The following IL1RAPL1 variants were observed in gnomAD, a reference collection of about 807,000 sequenced individuals.
IL1RAPL1 encodes interleukin-1 receptor accessory protein-like 1.
IL1RAPL1 carries 3 observed loss-of-function variants against 48.4 expected under a neutral mutation model. The observed-to-expected ratio is 0.06, with a 90% CI of 0.03 to 0.16. The LOEUF is 0.16. Among genes scored for constraint, IL1RAPL1 ranks in the 10% least tolerant of loss-of-function variants. The pLI, the probability that IL1RAPL1 is intolerant of heterozygous loss-of-function variation, is 1.00. For missense variants in IL1RAPL1, 349 were observed against 530.6 expected (o/e 0.66, Z 3.36); for synonymous variants, 185 against 187.7 (o/e 0.99, Z 0.12).
chrX:29,867,499 T>C (rs1469111103), intron 6 of IL1RAPL1, among the ~76,000 whole-genome samples: 2 of 112,042 alleles, frequency 1.8e-5, no homozygotes, highest in Non-Finnish European at 3.8e-5. Flanking sequence ...AGGCACCATC[T>C]TGGCAGAGAC....
chrX:29,588,248 G>A (rs979078024), intron 5 of IL1RAPL1, among the ~76,000 whole-genome samples: 4 of 112,103 alleles, frequency 3.6e-5, no homozygotes, highest in African/African-American at 1.3e-4. Context: ...ACTTTGCACT[G>A]GAGATTCAAT....
chrX:28,952,880 G>A (rs910275338), intron 2 of IL1RAPL1, among the ~76,000 whole-genome samples: 1 of 111,180 alleles, frequency 9.0e-6, no homozygotes, highest in Admixed American at 9.7e-5. Context: ...TATATGCACA[G>A]ACATATTAGC....
At position 29,593,150 on chromosome X, in the gene IL1RAPL1, T is replaced by C. The variant is rs189398265; in HGVS notation, c.704-75280T>C. ...AGGTTTTGCTCAGATGGGCCCTGCTTGGTTGTCGTATTAGCCTGAGTGTCT... is the reference window on the plus strand; with the variant it reads ...AGGTTTTGCTCAGATGGGCCCTGCTCGGTTGTCGTATTAGCCTGAGTGTCT... On this transcript the variant is annotated intron_variant, in intron 5 of 10. Coordinates refer to ENST00000378993, the MANE Select transcript of IL1RAPL1 (RefSeq NM_014271.4). 5.3e-3 allele frequency among the ~76,000 whole-genome samples: 588 copies of C among 111,551 alleles called. 1 individual carries two copies. The highest frequency in any genetic ancestry group is 7.1e-3 in the Non-Finnish European group (376 of 53,097).
At chrX:28,994,628 G>C (rs1488107825) in intron 2 of IL1RAPL1, among the ~76,000 whole-genome samples, 1 of 111,429 alleles carries the variant, frequency 9.0e-6, no homozygotes, top group Non-Finnish European at 1.9e-5. Context: ...TTTTGTGTTT[G>C]TTGTTGTTGC....
intron 1 of IL1RAPL1, among the ~76,000 whole-genome samples, chrX:28,606,931 A>G (rs1163840479): frequency 9.0e-6 from 1 of 111,646 alleles, no homozygotes; most frequent in African/African-American, 3.2e-5. Context: ...TCTTATGTGC[A>G]TCACAAATGT....
At chrX:28,873,512 T>G (rs867597681) in intron 2 of IL1RAPL1, among the ~76,000 whole-genome samples, 3 of 93,879 alleles carry the variant, frequency 3.2e-5, no homozygotes, top group South Asian at 1.0e-3. Flanking sequence ...CAATTATTGT[T>G]TTCTTTCTTT....
chrX:28,915,943 G>GTATA (rs61698059), intron 2 of IL1RAPL1, among the ~76,000 whole-genome samples: 297 of 102,282 alleles, frequency 2.9e-3, no homozygotes, highest in African/African-American at 8.6e-3. Context: ...ATATGTATGT[G>GTATA]TATATATATA....
chrX:29,385,525 C>T (rs1933765083), intron 3 of IL1RAPL1, among the ~76,000 whole-genome samples: 1 of 112,447 alleles, frequency 8.9e-6, no homozygotes, highest in Admixed American at 9.3e-5. Context: ...CCCACCAGCT[C>T]CTGGTAACCT....
At chrX:28,809,026 G>A (rs1174271766) in intron 2 of IL1RAPL1, among the ~76,000 whole-genome samples, 1 of 110,218 alleles carries the variant, frequency 9.1e-6, no homozygotes, top group Non-Finnish European at 1.9e-5. Context: ...TCTATTTTTG[G>A]TCGGGTTGTC....
chrX:29,496,717 T>C (rs1272974083), intron 5 of IL1RAPL1, among the ~76,000 whole-genome samples: 1 of 111,644 alleles, frequency 9.0e-6, no homozygotes, highest in Non-Finnish European at 1.9e-5. Flanking sequence ...AATTCCTTTA[T>C]TATTTTAGTG....
chrX:29,847,562 T>C lies in IL1RAPL1; in HGVS notation c.779-69902T>C, dbSNP rs951487082. On this transcript the variant is annotated intron_variant, in intron 6 of 10. Transcript: ENST00000378993. ...TCACCAATGTTATCAAAATCATATA[T>C]CCAGACAAGGGATCTAAGTAATTTA... is the stretch of plus-strand genomic sequence containing the variant. Among the ~76,000 whole-genome samples the C allele has an allele frequency of 1.0e-3, 115 of 112,132 alleles. 1 individual carries two copies. The highest frequency in any genetic ancestry group is 3.6e-3 in the African/African-American group (111 of 30,863).
At chrX:29,758,830 C>T (rs1423088983) in intron 6 of IL1RAPL1, among the ~76,000 whole-genome samples, 3 of 111,078 alleles carry the variant, frequency 2.7e-5, no homozygotes, top group African/African-American at 6.6e-5. Context: ...AAATACCCAC[C>T]GTGTTTCACA....
chrX:29,800,371 T>A (rs1224265976), intron 6 of IL1RAPL1, among the ~76,000 whole-genome samples: 1 of 110,642 alleles, frequency 9.0e-6, no homozygotes, highest in Non-Finnish European at 1.9e-5. Flanking sequence ...AACCTGAACA[T>A]AGACTGACAA....
chrX:29,554,950 G>A (rs935223069), intron 5 of IL1RAPL1, among the ~76,000 whole-genome samples: 2 of 111,909 alleles, frequency 1.8e-5, no homozygotes, highest in African/African-American at 6.5e-5. Context: ...TAGTTTTTAA[G>A]GCTTCCTAAA....
At chrX:29,200,468 A>G (rs1391501580) in intron 2 of IL1RAPL1, among the ~76,000 whole-genome samples, 2 of 112,202 alleles carry the variant, frequency 1.8e-5, no homozygotes. Flanking sequence ...CTTTGAATAT[A>G]TGACTATTGC....
rs774114614 is a variant in IL1RAPL1 at position 29,406,743 on chromosome X, TG to T, written c.703+7437del. 3.9e-3 allele frequency among the ~76,000 whole-genome samples: 428 copies of T among 110,001 alleles called. 5 individuals are homozygous for T. Among genetic ancestry groups the T allele is most frequent in the Middle Eastern group, 9.2e-3 (2 of 217 alleles). ...TATTGTTAAGTCAAATGCCTGCCTG[TG>T]GTTGAACTTTTAGGTATGAATACAG... On this transcript the variant is annotated intron_variant, in intron 5 of 10. Coordinates refer to ENST00000378993, the MANE Select transcript of IL1RAPL1 (RefSeq NM_014271.4).
intron 1 of IL1RAPL1, among the ~76,000 whole-genome samples, chrX:28,650,784 A>G (rs1169172527): frequency 1.8e-5 from 2 of 112,151 alleles, no homozygotes; most frequent in Admixed American, 1.9e-4. Flanking sequence ...ATCTGCTACT[A>G]AAAGTAGTTT....
chrX:29,550,067 G>T (rs1019414880), intron 5 of IL1RAPL1, among the ~76,000 whole-genome samples: 1 of 111,943 alleles, frequency 8.9e-6, no homozygotes, highest in Non-Finnish European at 1.9e-5. Context: ...AAATTCTCAT[G>T]AACAACTAAA....
intron 1 of IL1RAPL1, among the ~76,000 whole-genome samples, chrX:28,770,101 A>T (rs1050325675): frequency 8.9e-6 from 1 of 111,972 alleles, no homozygotes; most frequent in Non-Finnish European, 1.9e-5. Flanking sequence ...GTTTTCACCA[A>T]ACGGTGAATA....
Sources: gnomAD v4.1 joint callset for allele counts (sites outside exome capture counted in the v4.1 genomes callset) on GRCh38, gnomAD v4.1.1 for gene constraint, MANE v1.5 for transcripts, NCBI Gene and HGNC (gene_info 2026-07-23, HGNC 2026-07-21) for gene names.